NBEA: variants seen among roughly 807,000 people sequenced by gnomAD.
The protein encoded by NBEA is neurobeachin.
Under a neutral mutation model 343.4 loss-of-function variants are expected in NBEA, and 44 were observed. The ratio of observed to expected loss-of-function variants is 0.13; its 90% confidence interval spans 0.10 to 0.16. The LOEUF is 0.16. Among genes scored for constraint, NBEA ranks in the 10% least tolerant of loss-of-function variants. The probability of loss-of-function intolerance (pLI) is 1.00; values close to 1 mark genes in which losing one functional copy is unlikely to be tolerated. For synonymous variants in NBEA, 1,175 were observed against 1,238.7 expected (o/e 0.95, Z 1.08); for missense variants, 2,555 against 3,631.3 (o/e 0.70, Z 7.62).
chr13:35,478,421 G>A (rs555999475), intron 41 of NBEA, among the ~76,000 whole-genome samples: 2 of 152,272 alleles, frequency 1.3e-5, no homozygotes, highest in African/African-American at 2.4e-5. Context: ...CAGAGCCGGA[G>A]AACCTGCAGC....
Position 35,226,389 on chromosome 13 carries a change from A to G in NBEA, c.5649-6103A>G, listed in dbSNP as rs143848749. Among the ~76,000 whole-genome samples, 228 of 152,266 alleles carry G rather than the reference A, an allele frequency of 1.5e-3. 1 individual carries two copies. The highest frequency in any genetic ancestry group is 5.0e-3 in the African/African-American group (209 of 41,570). The stretch of plus-strand genomic sequence containing the variant: ...GTTCTCCTCAGAACTCTCCAGGGAA[A>G]GAATGTCTCTATCCTAAAAGAGGAT... On this transcript the variant is annotated intron_variant, in intron 33 of 58. Transcript: ENST00000379939.
At chr13:35,117,561 A>G in intron 14 of NBEA, 68 bp downstream of exon 14, 1 of 689,278 alleles carries the variant, frequency 1.5e-6, no homozygotes. Context: ...GCATGTTTTA[A>G]AATTATTAAA....
intron 18 of NBEA, among the ~76,000 whole-genome samples, chr13:35,147,804 C>G (rs964715704): frequency 1.3e-5 from 2 of 152,098 alleles, no homozygotes; most frequent in African/African-American, 2.4e-5. Flanking sequence ...GTGAGTATAA[C>G]AGAGGCAGGA....
chr13:35,126,955 C>T (rs2067168231), intron 17 of NBEA, among the ~76,000 whole-genome samples: 1 of 149,258 alleles, frequency 6.7e-6, no homozygotes, highest in Non-Finnish European at 1.5e-5. Flanking sequence ...ATAATAATGG[C>T]ATAAATGGAG....
intron 1 of NBEA, among the ~76,000 whole-genome samples, chr13:34,949,906 A>G (rs1382213066): frequency 6.6e-6 from 1 of 152,172 alleles, no homozygotes; most frequent in Non-Finnish European, 1.5e-5. Context: ...TGTCTAAGAT[A>G]GCCATGTTAA....
At chr13:35,321,940 C>A (rs917549333) in intron 36 of NBEA, among the ~76,000 whole-genome samples, 3 of 152,250 alleles carry the variant, frequency 2.0e-5, no homozygotes, top group Admixed American at 2.0e-4. Context: ...GGTGGACACC[C>A]CTCCCTCCAC....
At chr13:35,026,886 T>C (rs1271442991) in intron 1 of NBEA, among the ~76,000 whole-genome samples, 1 of 152,126 alleles carries the variant, frequency 6.6e-6, no homozygotes, top group African/African-American at 2.4e-5. Context: ...ACTACAAATA[T>C]AGTCACACCC....
At chr13:35,624,013 T>C (rs887980756) in intron 48 of NBEA, among the ~76,000 whole-genome samples, 1 of 151,166 alleles carries the variant, frequency 6.6e-6, no homozygotes, top group Non-Finnish European at 1.5e-5. Context: ...TGAATTCTTA[T>C]CAATGTTATT....
chr13:35,353,183 C>G (rs1346989691), intron 38 of NBEA, among the ~76,000 whole-genome samples: 1 of 152,142 alleles, frequency 6.6e-6, no homozygotes, highest in African/African-American at 2.4e-5. Context: ...CGCCTGTAAT[C>G]CCAGCACTTT....
chr13:35,067,880 C>G (rs2063713714), intron 8 of NBEA, among the ~76,000 whole-genome samples: 1 of 151,922 alleles, frequency 6.6e-6, no homozygotes, highest in Non-Finnish European at 1.5e-5. Flanking sequence ...GAACTACAGG[C>G]GTGTGACACC....
intron 30 of NBEA, among the ~76,000 whole-genome samples, chr13:35,187,882 G>A (rs1486773429): frequency 6.6e-6 from 1 of 151,762 alleles, no homozygotes; most frequent in African/African-American, 2.4e-5. Context: ...TTTTAATCAT[G>A]CCAAGCATTT....
intron 8 of NBEA, among the ~76,000 whole-genome samples, chr13:35,069,405 ATAT>A (rs1244296404): frequency 2.6e-5 from 4 of 152,070 alleles, no homozygotes; most frequent in African/African-American, 7.2e-5. Flanking sequence ...GTATATTGTG[ATAT>A]TATTATTGAG....
At chr13:35,610,545 A>T (rs1261444537) in intron 48 of NBEA, among the ~76,000 whole-genome samples, 2 of 151,860 alleles carry the variant, frequency 1.3e-5, no homozygotes, top group Non-Finnish European at 2.9e-5. Flanking sequence ...CCATATAAAA[A>T]AATTAACTCA....
chr13:35,131,972 C>G (rs1176504220), intron 17 of NBEA, among the ~76,000 whole-genome samples: 1 of 152,082 alleles, frequency 6.6e-6, no homozygotes, highest in East Asian at 1.9e-4. Flanking sequence ...TGAACGAAAA[C>G]AAAACCACAG....
chr13:35,043,690 A>C (rs1281843169), intron 2 of NBEA, among the ~76,000 whole-genome samples: 1 of 151,932 alleles, frequency 6.6e-6, no homozygotes, highest in Non-Finnish European at 1.5e-5. Context: ...TGTGTTAAAT[A>C]AAATTATTTA....
At chr13:35,122,787 G>T (rs1166946265) in intron 16 of NBEA, among the ~76,000 whole-genome samples, 1 of 152,174 alleles carries the variant, frequency 6.6e-6, no homozygotes, top group Non-Finnish European at 1.5e-5. Context: ...TTTATCTACT[G>T]CTTTCTGTAA....
chr13:35,094,433 A>T (rs1216912517), intron 10 of NBEA, among the ~76,000 whole-genome samples: 1 of 152,084 alleles, frequency 6.6e-6, no homozygotes, highest in Non-Finnish European at 1.5e-5. Flanking sequence ...CTATGTAGGC[A>T]TTGGTCTTCT....
chr13:35,580,152 C>A (rs1483382450), intron 45 of NBEA, among the ~76,000 whole-genome samples: 1 of 151,748 alleles, frequency 6.6e-6, no homozygotes, highest in Non-Finnish European at 1.5e-5. Flanking sequence ...TTTTTTGCAC[C>A]ATTTTTTCCT....
chr13:35,584,680 A>G (rs2081210855), intron 46 of NBEA, among the ~76,000 whole-genome samples: 1 of 151,858 alleles, frequency 6.6e-6, no homozygotes, highest in Non-Finnish European at 1.5e-5. Context: ...TTGTATTTTT[A>G]GTAGAGACAG....
Sources: gnomAD v4.1 joint callset for allele counts (sites outside exome capture counted in the v4.1 genomes callset) on GRCh38, gnomAD v4.1.1 for gene constraint, MANE v1.5 for transcripts, NCBI Gene and HGNC (gene_info 2026-07-23, HGNC 2026-07-21) for gene names.